PLCH1: variants seen among roughly 807,000 people sequenced by gnomAD.
PLCH1 encodes 1-phosphatidylinositol 4,5-bisphosphate phosphodiesterase eta-1.
In PLCH1, 60 loss-of-function variants were observed where a neutral mutation model predicts 126.7. The observed-to-expected ratio is 0.47, with a 90% CI of 0.38 to 0.59. The LOEUF (loss-of-function observed/expected upper bound fraction) is 0.59. Ranked by LOEUF, PLCH1 falls within the 20% of genes least tolerant of loss-of-function variation. The pLI is 0.00. For synonymous variants in PLCH1, 719 were observed against 734.9 expected (o/e 0.98, Z 0.35); for missense variants, 1,723 against 2,040.0 (o/e 0.84, Z 2.99).
chr3:155,580,537 C>A (rs1240199484), intron 6 of PLCH1, among the ~76,000 whole-genome samples: 2 of 152,010 alleles, frequency 1.3e-5, no homozygotes, highest in Non-Finnish European at 2.9e-5. Context: ...CCAAGAGTAA[C>A]ATAATTTTCC....
At chr3:155,462,126 G>A (rs1008599499) in intron 21 of PLCH1, among the ~76,000 whole-genome samples, 2 of 152,212 alleles carry the variant, frequency 1.3e-5, no homozygotes, top group African/African-American at 4.8e-5. Context: ...CATGCCAGTA[G>A]ATAAGCAAGA....
At chr3:155,587,244 A>C (rs1469517200) in intron 4 of PLCH1, among the ~76,000 whole-genome samples, 4 of 152,218 alleles carry the variant, frequency 2.6e-5, no homozygotes, top group African/African-American at 4.8e-5. Flanking sequence ...TCATAAATAT[A>C]GGGCTTATCT....
rs759005497 is a variant in PLCH1 at position 155,481,657 on chromosome 3, C to T, written c.4369G>A (p.Ala1457Thr). 6.2e-6 allele frequency: 10 copies of T among 1,613,972 alleles called. No individual in the cohort carries two copies. The African/African-American group carries it at 1.2e-4, about 19-fold the overall frequency. ...GGTACAGGGACATGCATATCTTGAG[C>T]ACTAGATTGCTGGGGCACACAGGTC... is the stretch of plus-strand genomic sequence containing the variant. ...FQTCVPQQSSAQDMHVPVPKQ... is the reference protein window; with the variant it reads ...FQTCVPQQSSTQDMHVPVPKQ... Residue 1457 changes from alanine to threonine, a missense_variant, in exon 23 of 23, where the codon GCT becomes ACT. Coordinates refer to ENST00000460012, the MANE Select transcript of PLCH1 (RefSeq NM_014996.4). This position sits in a 1 kb window ranked among gnomAD's most constrained non-coding sequence, Gnocchi z 4.2.
Position 155,482,373 on chromosome 3 carries a change from T to C in PLCH1, c.3653A>G (p.His1218Arg). Residue 1218 changes from histidine (H) to arginine (R), a missense_variant, in exon 23 of 23, where the codon CAT (histidine) becomes CGT (arginine). His to Arg is a conservative substitution (Grantham distance 29). Coordinates refer to ENST00000460012, the MANE Select transcript of PLCH1 (RefSeq NM_014996.4). ...TAGGCCCAGGCTAGGCAAGGGACAATGGCCTGACATCACACTGGTATTATG... is the reference window on the plus strand; with the variant it reads ...TAGGCCCAGGCTAGGCAAGGGACAACGGCCTGACATCACACTGGTATTATG... Reference protein sequence around the residue: ...HLHNTSVMSGHCPLPSLGLKM... With the variant: ...HLHNTSVMSGRCPLPSLGLKM... 1.2e-6 allele frequency: 2 copies of C among 1,614,012 alleles called. No homozygotes were observed. Among genetic ancestry groups the C allele is most frequent in the South Asian group, 1.1e-5 (1 of 91,070 alleles).
chr3:155,739,771 C>T (rs1749479506), intron 1 of PLCH1, among the ~76,000 whole-genome samples: 1 of 152,154 alleles, frequency 6.6e-6, no homozygotes, highest in African/African-American at 2.4e-5. Flanking sequence ...CATGTTACAT[C>T]TTAGGCAAGA....
At chr3:155,453,028 A>G (rs1013212420) in intron 21 of PLCH1, among the ~76,000 whole-genome samples, 1 of 152,170 alleles carries the variant, frequency 6.6e-6, no homozygotes, top group African/African-American at 2.4e-5. Context: ...AGACTCTGAT[A>G]ATGCTGGTGA....
At chr3:155,625,498 A>C (rs1425718137) in intron 2 of PLCH1, among the ~76,000 whole-genome samples, 1 of 152,228 alleles carries the variant, frequency 6.6e-6, no homozygotes, top group African/African-American at 2.4e-5. Flanking sequence ...TATCCATCTG[A>C]CAAAGAATCT....
chr3:155,623,445 CA>C (rs201347019), intron 2 of PLCH1, among the ~76,000 whole-genome samples: 1 of 151,560 alleles, frequency 6.6e-6, no homozygotes, highest in South Asian at 2.1e-4. Flanking sequence ...AAAAACCCTT[CA>C]AAAAAAACCA....
intron 15 of PLCH1, among the ~76,000 whole-genome samples, chr3:155,496,152 T>C (rs1189012274): frequency 6.6e-6 from 1 of 152,182 alleles, no homozygotes; most frequent in African/African-American, 2.4e-5. Flanking sequence ...CTAGTTTTCA[T>C]TTTGTGGCTG....
intron 2 of PLCH1, among the ~76,000 whole-genome samples, chr3:155,680,959 A>C (rs933976412): frequency 1.3e-5 from 2 of 152,172 alleles, no homozygotes; most frequent in African/African-American, 4.8e-5. Flanking sequence ...ATACAAACTA[A>C]CTACTAATTA....
chr3:155,717,644 C>T (rs768754353), intron 1 of PLCH1, among the ~76,000 whole-genome samples: 6 of 152,348 alleles, frequency 3.9e-5, no homozygotes, highest in Admixed American at 2.0e-4. Context: ...CCGGAGCAGC[C>T]GGGATGCAGG....
chr3:155,473,943 T>C (rs1428291551), intron 21 of PLCH1, among the ~76,000 whole-genome samples: 40 of 151,746 alleles, frequency 2.6e-4, no homozygotes, highest in Admixed American at 4.6e-4. Flanking sequence ...GATTAAAGAC[T>C]TAAACGTTAG....
downstream of PLCH1, among the ~76,000 whole-genome samples, chr3:155,477,231 G>A (rs182069289): frequency 9.6e-4 from 146 of 152,012 alleles, no homozygotes; most frequent in Admixed American, 1.7e-3. Flanking sequence ...CCTACCTCTC[G>A]CCATATACAA....
rs766715910 is a variant in PLCH1, at chr3:155,605,215, G to C, written c.80-8837C>G. ...ATTTTCAGGTTCACATCGGTGACTA[G>C]TCTGAAAGGAGTCAACACACTCTTA... On this transcript the variant is annotated intron_variant, in intron 2 of 22. Transcript: ENST00000460012. 3.4e-4 allele frequency among the ~76,000 whole-genome samples: 51 copies of C among 152,160 alleles called. 1 individual carries two copies. Among genetic ancestry groups the C allele is most frequent in the Non-Finnish European group, 1.0e-4 (7 of 68,036 alleles).
intron 10 of PLCH1, among the ~76,000 whole-genome samples, chr3:155,542,657 C>G (rs907984797): frequency 6.6e-6 from 1 of 152,180 alleles, no homozygotes; most frequent in Non-Finnish European, 1.5e-5. Context: ...CAGACTGACA[C>G]CTCACACAGC....
At chr3:155,496,430 A>G (rs533991140) in intron 15 of PLCH1, among the ~76,000 whole-genome samples, 2 of 152,254 alleles carry the variant, frequency 1.3e-5, no homozygotes, top group South Asian at 2.1e-4. Context: ...TAAATCTTGT[A>G]TAATTGTTAC....
intron 10 of PLCH1, among the ~76,000 whole-genome samples, chr3:155,524,386 C>A (rs1210280623): frequency 6.6e-6 from 1 of 152,036 alleles, no homozygotes. Flanking sequence ...TGGCTGCACA[C>A]AATGGGAATG....
chr3:155,604,818 T>C (rs1272282538), intron 2 of PLCH1, among the ~76,000 whole-genome samples: 1 of 152,202 alleles, frequency 6.6e-6, no homozygotes, highest in Non-Finnish European at 1.5e-5. Context: ...TAGCCGGGCT[T>C]CTGGCCATTC....
At chr3:155,667,830 T>A (rs1742902181) in intron 2 of PLCH1, among the ~76,000 whole-genome samples, 1 of 141,822 alleles carries the variant, frequency 7.1e-6, no homozygotes, top group Admixed American at 7.6e-5. Flanking sequence ...TTTGGGAGGC[T>A]GAGGGGGGTG....
Sources: gnomAD v4.1 joint callset for allele counts (sites outside exome capture counted in the v4.1 genomes callset) on GRCh38, gnomAD v4.1.1 for gene constraint, Gnocchi (gnomAD v3.1) non-coding constraint, MANE v1.5 for transcripts, NCBI Gene and HGNC (gene_info 2026-07-23, HGNC 2026-07-21) for gene names.